The following SMYD3 variants were observed in gnomAD, a reference collection of about 807,000 sequenced individuals.
The protein encoded by SMYD3 is histone-lysine N-methyltransferase SMYD3.
In SMYD3, 36 loss-of-function variants were observed where a neutral mutation model predicts 57.7. The observed-to-expected ratio is 0.62, with a 90% CI of 0.48 to 0.82. SMYD3 has a LOEUF of 0.82. Among genes scored for constraint, SMYD3 ranks in the 40% least tolerant of loss-of-function variants. SMYD3 has a pLI of 0.00. For synonymous variants in SMYD3, 211 were observed against 195.0 expected, an observed-to-expected ratio of 1.08 and a Z score of -0.68; for missense variants, 515 against 538.8, an observed-to-expected ratio of 0.96 and a Z score of 0.44.
At chr1:246,272,810 T>C (rs1181539271) in intron 5 of SMYD3, among the ~76,000 whole-genome samples, 2 of 152,200 alleles carry the variant, frequency 1.3e-5, no homozygotes, top group African/African-American at 2.4e-5. Context: ...ATAAAAGCAT[T>C]AGGAAGTATT....
At chr1:246,043,324 A>G (rs1325483098) in intron 5 of SMYD3, among the ~76,000 whole-genome samples, 2 of 152,262 alleles carry the variant, frequency 1.3e-5, no homozygotes, top group African/African-American at 4.8e-5. Context: ...AAAGCAGTAG[A>G]AGCCAATCAA....
At chr1:246,217,714 G>A (rs981693536) in intron 5 of SMYD3, among the ~76,000 whole-genome samples, 1 of 152,094 alleles carries the variant, frequency 6.6e-6, no homozygotes, top group African/African-American at 2.4e-5. Context: ...ATTTTTTAAT[G>A]TCTAGCTAGG....
At chr1:245,872,988 G>A (rs897426711) in intron 8 of SMYD3, among the ~76,000 whole-genome samples, 1 of 152,174 alleles carries the variant, frequency 6.6e-6, no homozygotes, top group Non-Finnish European at 1.5e-5. Flanking sequence ...CTGCTTCTCA[G>A]AGAAATAAGC....
At chr1:246,232,309 A>C (rs1327288815) in intron 5 of SMYD3, among the ~76,000 whole-genome samples, 2 of 152,200 alleles carry the variant, frequency 1.3e-5, no homozygotes, top group Non-Finnish European at 2.9e-5. Flanking sequence ...TCAACAGTAA[A>C]ATAAAGCCCT....
At chr1:246,173,873 C>A (rs1286378569) in intron 5 of SMYD3, among the ~76,000 whole-genome samples, 1 of 152,116 alleles carries the variant, frequency 6.6e-6, no homozygotes, top group East Asian at 1.9e-4. Flanking sequence ...GTAGCGGGAT[C>A]ATAGCTCACA....
chr1:246,141,073 C>T (rs1166500227), intron 5 of SMYD3, among the ~76,000 whole-genome samples: 3 of 152,164 alleles, frequency 2.0e-5, no homozygotes, highest in Admixed American at 6.5e-5. Context: ...GTGACCTATC[C>T]GTTCAACTGC....
chr1:246,014,543 C>A (rs562167781), intron 5 of SMYD3, among the ~76,000 whole-genome samples: 1 of 152,214 alleles, frequency 6.6e-6, no homozygotes, highest in South Asian at 2.1e-4. Flanking sequence ...TTATTAATGT[C>A]TCCAGTTCTC....
intron 5 of SMYD3, among the ~76,000 whole-genome samples, chr1:246,002,017 C>G (rs148335745): frequency 0.013 from 2,002 of 152,220 alleles, 47 homozygotes; most frequent in African/African-American, 0.046. Context: ...ACATCCACCA[C>G]TGTAATTGCA....
chr1:245,805,410 C>T (rs1490125606), intron 10 of SMYD3, among the ~76,000 whole-genome samples: 4 of 152,194 alleles, frequency 2.6e-5, no homozygotes, highest in Non-Finnish European at 5.9e-5. Flanking sequence ...GTCAGATTAT[C>T]CTAACCATAA....
chr1:246,265,914 G>A (rs150201713), intron 5 of SMYD3, among the ~76,000 whole-genome samples: 1 of 152,132 alleles, frequency 6.6e-6, no homozygotes, highest in Non-Finnish European at 1.5e-5. Context: ...AAGCTATTGG[G>A]TTTGAGAATC....
intron 5 of SMYD3, among the ~76,000 whole-genome samples, chr1:246,189,751 G>A (rs1308500482): frequency 2.6e-5 from 4 of 152,124 alleles, no homozygotes; most frequent in Non-Finnish European, 5.9e-5. Context: ...TACGTATCAT[G>A]GTAGCACTCC....
chr1:245,884,211 G>A, intron 8 of SMYD3, among the ~76,000 whole-genome samples: 1 of 152,160 alleles, frequency 6.6e-6, no homozygotes, highest in East Asian at 1.9e-4. Context: ...CAATCTTAGT[G>A]AGGACTGAAA....
chr1:245,806,649 G>C (rs935776701), intron 10 of SMYD3, among the ~76,000 whole-genome samples: 3 of 152,046 alleles, frequency 2.0e-5, no homozygotes, highest in Non-Finnish European at 4.4e-5. Flanking sequence ...GGTGGCTCAC[G>C]CCTGTAATCC....
At chr1:246,172,876 A>C (rs2062366594) in intron 5 of SMYD3, among the ~76,000 whole-genome samples, 2 of 148,838 alleles carry the variant, frequency 1.3e-5, no homozygotes, top group East Asian at 2.0e-4. Flanking sequence ...TAGGCTACAC[A>C]GGCCTAGAAC....
intron 5 of SMYD3, among the ~76,000 whole-genome samples, chr1:246,099,740 A>T (rs1435556321): frequency 6.6e-6 from 1 of 152,178 alleles, no homozygotes; most frequent in African/African-American, 2.4e-5. Flanking sequence ...GTTTCATGAA[A>T]GACCTTCTCA....
At chr1:246,489,971 G>A (rs1336725798) in intron 1 of SMYD3, among the ~76,000 whole-genome samples, 1 of 147,990 alleles carries the variant, frequency 6.8e-6, no homozygotes, top group African/African-American at 2.5e-5. Context: ...GGGACTAGAA[G>A]TACGACCACC....
chr1:246,081,429 G>A (rs897479500), intron 5 of SMYD3, among the ~76,000 whole-genome samples: 102 of 152,092 alleles, frequency 6.7e-4, no homozygotes, highest in Admixed American at 6.3e-3. Context: ...GTCTCACTCT[G>A]TCACCCATAC....
intron 5 of SMYD3, among the ~76,000 whole-genome samples, chr1:245,946,174 A>G (rs1056533412): frequency 6.6e-6 from 1 of 152,138 alleles, no homozygotes; most frequent in Admixed American, 6.5e-5. Flanking sequence ...CTGAAATACC[A>G]CAATTTAGGT....
rs569144213 is a variant in SMYD3, at chr1:245,833,219, C to G, written c.1076+25277G>C. Reference sequence around the variant, plus strand: ...CCTCTGTTGCTAACATCTTACATTACCAAGGAACATTTGTCAAAACTAAGA... The same window carrying G: ...CCTCTGTTGCTAACATCTTACATTAGCAAGGAACATTTGTCAAAACTAAGA... On this transcript the variant is annotated intron_variant, in intron 10 of 11. Coordinates refer to ENST00000490107, the MANE Select transcript of SMYD3 (RefSeq NM_001167740.2). Among the ~76,000 whole-genome samples the G allele has an allele frequency of 6.6e-5, 10 of 152,228 alleles. No individual in the cohort carries two copies. The East Asian group carries it at 1.9e-3, about 29-fold the overall frequency.
Sources: allele counts gnomAD v4.1 joint callset (sites outside exome capture counted in the v4.1 genomes callset), GRCh38; gene constraint gnomAD v4.1.1; transcripts MANE v1.5; gene names NCBI Gene and HGNC (gene_info 2026-07-23, HGNC 2026-07-21).